PSMA1: variants seen among roughly 807,000 people sequenced by gnomAD.
PSMA1 encodes proteasome subunit alpha type-1.
PSMA1 carries 3 observed loss-of-function variants against 38.4 expected under a neutral mutation model. The ratio of observed to expected loss-of-function variants is 0.08; its 90% CI spans 0.04 to 0.20. The LOEUF (loss-of-function observed/expected upper bound fraction) is 0.20. PSMA1 is among the 10% of genes least tolerant of loss of function. The pLI is 1.00. For synonymous variants in PSMA1, 101 were observed against 107.1 expected (o/e 0.94, Z 0.35); for missense variants, 227 against 325.3 (o/e 0.70, Z 2.32).
At chr11:14,596,254 A>T (rs1265934944) in intron 2 of PSMA1, among the ~76,000 whole-genome samples, 2 of 152,234 alleles carry the variant, frequency 1.3e-5, no homozygotes, top group Non-Finnish European at 2.9e-5. Context: ...TATGAACTTT[A>T]AAGTAATTTT....
In PSMA1 at chr11:14,630,633, T is replaced by G. The variant is rs866681793; in HGVS notation, c.-166+12822A>C. 4.5e-3 allele frequency among the ~76,000 whole-genome samples: 675 copies of G among 151,586 alleles called. 5 individuals carry two copies. Among genetic ancestry groups the G allele is most frequent in the African/African-American group, 0.011 (448 of 41,296 alleles). Reference sequence around the variant, plus strand: ...ATATTGGTCTAAAATTCTCTTTTTTTGTTGTGTCTCTGCCTGGCTTTGGTA... The same window carrying G: ...ATATTGGTCTAAAATTCTCTTTTTTGGTTGTGTCTCTGCCTGGCTTTGGTA... On this transcript the variant is annotated intron_variant, in intron 1 of 10. Coordinates refer to the PSMA1 transcript ENST00000418988.
chr11:14,521,004 G>A (rs1443845578), upstream of PSMA1, among the ~76,000 whole-genome samples: 1 of 152,146 alleles, frequency 6.6e-6, no homozygotes. Context: ...AACTCCATGA[G>A]GGCGCTAATG....
At chr11:14,621,863 G>GAA (rs1852848125) in intron 1 of PSMA1, among the ~76,000 whole-genome samples, 1 of 152,104 alleles carries the variant, frequency 6.6e-6, no homozygotes, top group African/African-American at 2.4e-5. Context: ...CTGCGGCCTG[G>GAA]AAAAATACAA....
rs962881495 is a variant in PSMA1, at chr11:14,511,105, T to G, written c.545-154A>C. The G allele has an allele frequency of 1.1e-5, 5 of 436,566 alleles. No individual in the cohort carries two copies. The Admixed American group carries it at 1.3e-4, about 11-fold the overall frequency. The allele number at this position is 436,566 out of a possible 1,614,324, so 27.0% of individuals were successfully genotyped here. A position where few individuals can be genotyped will look rare whatever the true frequency, so the allele number is the denominator to read the frequency against. On this transcript the variant is annotated intron_variant, in intron 7 of 9. Transcript: ENST00000396394. ...AAGTTTAATGCTAGTCATATAATCT[T>G]TTAATAGCATTCTATGACATTGCTG...
intron 2 of PSMA1, among the ~76,000 whole-genome samples, chr11:14,545,286 ATTGT>A (rs747879056): frequency 1.4e-3 from 207 of 152,340 alleles, no homozygotes; most frequent in Non-Finnish European, 2.2e-3. Context: ...GATACATGTG[ATTGT>A]TTAATTATTT....
At chr11:14,515,584 G>A (rs1457699419) in intron 4 of PSMA1, among the ~76,000 whole-genome samples, 1 of 147,644 alleles carries the variant, frequency 6.8e-6, no homozygotes. Context: ...ACTGAGTTTC[G>A]CTCTTGTTGC....
Position 14,562,759 on chromosome 11 carries a change from G to A in PSMA1, c.22-43718C>T, listed in dbSNP as rs116683045. Among the ~76,000 whole-genome samples the A allele has an allele frequency of 3.6e-3, 540 of 151,818 alleles. 3 individuals are homozygous for A. The highest frequency in any genetic ancestry group is 0.013 in the African/African-American group (518 of 41,362). On this transcript the variant is annotated intron_variant, in intron 2 of 10. Transcript: ENST00000418988. ...CCCATCCCAGCCTCCCGAGTAGCCC[G>A]GCTAATTTTTGTAGTTTTAGAGACT... is the stretch of plus-strand genomic sequence containing the variant.
chr11:14,587,781 A>G (rs1852366293), intron 2 of PSMA1, among the ~76,000 whole-genome samples: 1 of 152,182 alleles, frequency 6.6e-6, no homozygotes, highest in Admixed American at 6.5e-5. Flanking sequence ...TGAGTGTTAA[A>G]TGGCATACTA....
At chr11:14,616,231 G>GTTTTTTTTTTTTT (rs34292683) in intron 1 of PSMA1, among the ~76,000 whole-genome samples, 6 of 126,686 alleles carry the variant, frequency 4.7e-5, no homozygotes, top group Non-Finnish European at 5.0e-5. Flanking sequence ...GATCCCAACA[G>GTTTTTTTTTTTTT]TTTTTTTTTT....
intron 9 of PSMA1, among the ~76,000 whole-genome samples, chr11:14,506,384 CA>C (rs1851245442): frequency 6.6e-6 from 1 of 152,076 alleles, no homozygotes; most frequent in Non-Finnish European, 1.5e-5. Flanking sequence ...TTCTTCCCAA[CA>C]GTGCTAGTTT....
intron 2 of PSMA1, among the ~76,000 whole-genome samples, chr11:14,549,914 G>C (rs1851868175): frequency 6.6e-6 from 1 of 152,090 alleles, no homozygotes; most frequent in Admixed American, 6.6e-5. Flanking sequence ...TATGTTGGAT[G>C]GGATCTTTGT....
chr11:14,615,714 C>T (rs902593190), intron 1 of PSMA1, among the ~76,000 whole-genome samples: 19 of 152,172 alleles, frequency 1.2e-4, no homozygotes, highest in Admixed American at 1.1e-3. Flanking sequence ...TGTTTCCTGT[C>T]CTGACTGGTC....
chr11:14,624,145 C>T (rs992255686), intron 1 of PSMA1, among the ~76,000 whole-genome samples: 1 of 152,094 alleles, frequency 6.6e-6, no homozygotes, highest in Non-Finnish European at 1.5e-5. Flanking sequence ...TAGAAGTAGC[C>T]AACTTCACAG....
chr11:14,599,729 A>G (rs1852554819), intron 2 of PSMA1, among the ~76,000 whole-genome samples: 1 of 152,168 alleles, frequency 6.6e-6, no homozygotes. Context: ...GACCTTCTGA[A>G]GCCTACTTCT....
rs765522121 is a variant in PSMA1, at chr11:14,520,306, G to A, written c.-7C>T. On this transcript the variant is annotated 5_prime_UTR_variant, in exon 1 of 10. Transcript: ENST00000396394. ...TCGGGATTCAACGTACCATGGTGGC[G>A]GCGCGGGCCTGGTTGCGGCCTCCAG... 8.1e-6 allele frequency: 13 copies of A among 1,614,080 alleles called. No individual in the cohort carries two copies. The highest frequency in any genetic ancestry group is 5.3e-5 in the African/African-American group (4 of 74,942).
intron 2 of PSMA1, among the ~76,000 whole-genome samples, chr11:14,596,212 G>A (rs1852490970): frequency 6.6e-6 from 1 of 152,306 alleles, no homozygotes; most frequent in Non-Finnish European, 1.5e-5. Context: ...GCTTAGGATT[G>A]TCTTGGCAAT....
At chr11:14,577,615 T>C (rs1852233711) in intron 2 of PSMA1, among the ~76,000 whole-genome samples, 2 of 152,334 alleles carry the variant, frequency 1.3e-5, no homozygotes, top group South Asian at 4.1e-4. Context: ...ATAGCCTAAG[T>C]GCTCTTCACA....
chr11:14,634,859 C>CTG (rs1853091944), intron 1 of PSMA1, among the ~76,000 whole-genome samples: 1 of 152,168 alleles, frequency 6.6e-6, no homozygotes, highest in South Asian at 2.1e-4. Context: ...ACTTACTGCA[C>CTG]TGTGTACCTC....
Position 14,513,868 on chromosome 11 carries a change from T to C in PSMA1, c.363A>G (p.Gln121=), listed in dbSNP as rs1264903445. 3.7e-6 allele frequency: 6 copies of C among 1,600,920 alleles called. No individual in the cohort carries two copies. The highest frequency in any genetic ancestry group is 8.5e-7 in the Non-Finnish European group (1 of 1,176,228). The change falls in exon 6 of 10, where the codon CAA becomes CAG. Residue 121 remains glutamine (Q), a synonymous_variant. Coordinates refer to ENST00000396394, the MANE Select transcript of PSMA1 (RefSeq NM_002786.4). ...CACCATATGGTCTCCGGCCATATCG[T>C]TGTGTTGGTATCTGGGTCTCTTAGA... is the stretch of plus-strand genomic sequence containing the variant. ...LIGSKTQIPT[Q]RYGRRPYGVG... is the part of the protein sequence containing the mutation.
Sources: gnomAD v4.1 joint callset for allele counts (sites outside exome capture counted in the v4.1 genomes callset) on GRCh38, gnomAD v4.1.1 for gene constraint, MANE v1.5 for transcripts, NCBI Gene and HGNC (gene_info 2026-07-23, HGNC 2026-07-21) for gene names.